The following FOXP2 variants were observed in gnomAD, a reference collection of about 807,000 sequenced individuals.
FOXP2 encodes forkhead box P2.
A neutral mutation model predicts 115.8 loss-of-function variants in FOXP2; 12 were observed. The ratio of observed to expected loss-of-function variants is 0.10; its 90% CI spans 0.07 to 0.17. The LOEUF (loss-of-function observed/expected upper bound fraction) is 0.17, where lower values mean the gene tolerates loss of function less well. FOXP2 is among the 10% of genes least tolerant of loss of function. The probability of loss-of-function intolerance (pLI) is 1.00; values close to 1 mark genes in which losing one functional copy is unlikely to be tolerated. For missense variants in FOXP2, 629 were observed against 843.5 expected (o/e 0.75, Z 3.15); for synonymous variants, 328 against 297.7 (o/e 1.10, Z -1.05).
At chr7:114,458,432 C>T (rs1795414786) in intron 2 of FOXP2, among the ~76,000 whole-genome samples, 2 of 151,442 alleles carry the variant, frequency 1.3e-5, no homozygotes, top group African/African-American at 4.9e-5. Context: ...CCATCCTTGT[C>T]TAACTTTCAA....
chr7:114,115,559 T>C (rs115762485), intron 1 of FOXP2, among the ~76,000 whole-genome samples: 250 of 152,216 alleles, frequency 1.6e-3, no homozygotes, highest in African/African-American at 5.7e-3. Context: ...AGAGCCCTTA[T>C]TGGAGCTTTT....
intron 1 of FOXP2, among the ~76,000 whole-genome samples, chr7:114,152,560 CAA>C (rs1157163540): frequency 6.6e-5 from 10 of 152,114 alleles, no homozygotes; most frequent in Non-Finnish European, 8.8e-5. Context: ...TTTCATTAAA[CAA>C]GAAGAGGTAA....
At chr7:114,278,259 A>G (rs1008934001) in intron 1 of FOXP2, among the ~76,000 whole-genome samples, 1 of 152,198 alleles carries the variant, frequency 6.6e-6, no homozygotes, top group Non-Finnish European at 1.5e-5. Context: ...TATCTATATT[A>G]TAATACATCC....
At chr7:114,298,933 A>G (rs961120042) in intron 2 of FOXP2, among the ~76,000 whole-genome samples, 3 of 152,212 alleles carry the variant, frequency 2.0e-5, no homozygotes, top group African/African-American at 7.2e-5. Context: ...TGAAAATATT[A>G]GTAAGAACTC....
At chr7:114,427,894 C>A (rs915714864) in intron 2 of FOXP2, among the ~76,000 whole-genome samples, 1 of 151,512 alleles carries the variant, frequency 6.6e-6, no homozygotes, top group African/African-American at 2.4e-5. Context: ...TATTATTTTA[C>A]AATTTTCATT....
chr7:114,585,681 A>C (rs1802098133), intron 3 of FOXP2, among the ~76,000 whole-genome samples: 1 of 152,106 alleles, frequency 6.6e-6, no homozygotes, highest in South Asian at 2.1e-4. Flanking sequence ...CCTGGCCAAC[A>C]TGATGAAACC....
In FOXP2 at chr7:114,573,954, G is replaced by A. The variant is rs553254928; in HGVS notation, c.258+39248G>A. On this transcript the variant is annotated intron_variant, in intron 3 of 16. Coordinates refer to ENST00000350908, the MANE Select transcript of FOXP2 (RefSeq NM_014491.4). Reference sequence around the variant, plus strand: ...AATTGTATCAATTTACTAGCAAAACGTGCAATAAAAATATTTTTTCATAGG... The same window carrying A: ...AATTGTATCAATTTACTAGCAAAACATGCAATAAAAATATTTTTTCATAGG... 5.3e-5 allele frequency among the ~76,000 whole-genome samples: 8 copies of A among 151,636 alleles called. 1 individual carries two copies. In the East Asian group the frequency reaches 5.8e-4, roughly 11 times the overall value.
intron 3 of FOXP2, among the ~76,000 whole-genome samples, chr7:114,564,270 A>G (rs1010084778): frequency 1.3e-5 from 2 of 151,988 alleles, no homozygotes; most frequent in African/African-American, 4.8e-5. Context: ...TTTCCCAAGC[A>G]ATGAATTCCT....
chr7:114,226,313 A>T (rs1230317789), intron 1 of FOXP2, among the ~76,000 whole-genome samples: 1 of 152,198 alleles, frequency 6.6e-6, no homozygotes, highest in African/African-American at 2.4e-5. Flanking sequence ...ACTCACAGGA[A>T]CATACTGTGG....
intron 2 of FOXP2, among the ~76,000 whole-genome samples, chr7:114,383,139 G>C (rs1437837581): frequency 6.6e-6 from 1 of 152,186 alleles, no homozygotes; most frequent in Non-Finnish European, 1.5e-5. Flanking sequence ...TGGGGTTAGT[G>C]TCTGATTTAG....
intron 2 of FOXP2, among the ~76,000 whole-genome samples, chr7:114,482,515 G>A (rs1208653152): frequency 6.6e-6 from 1 of 151,236 alleles, no homozygotes; most frequent in East Asian, 1.9e-4. Flanking sequence ...ATGACAACAA[G>A]GTATGTCTTT....
At chr7:114,516,475 G>A (rs187906922) in intron 2 of FOXP2, among the ~76,000 whole-genome samples, 2 of 151,950 alleles carry the variant, frequency 1.3e-5, no homozygotes, top group Non-Finnish European at 2.9e-5. Context: ...AAACCTAGGA[G>A]CTCATATATT....
chr7:114,291,934 GAATA>G (rs1255298660), intron 2 of FOXP2, among the ~76,000 whole-genome samples: 10 of 139,794 alleles, frequency 7.2e-5, no homozygotes, highest in Non-Finnish European at 1.5e-5. Context: ...ATAATATATA[GAATA>G]TATATTATAG....
chr7:114,104,038 G>A (rs1791053325), intron 1 of FOXP2, among the ~76,000 whole-genome samples: 1 of 151,306 alleles, frequency 6.6e-6, no homozygotes, highest in Non-Finnish European at 1.5e-5. Context: ...TATGATTTCT[G>A]TATTTCTGAG....
intron 2 of FOXP2, among the ~76,000 whole-genome samples, chr7:114,350,565 A>T (rs1791460677): frequency 6.6e-6 from 1 of 152,096 alleles, no homozygotes; most frequent in Non-Finnish European, 1.5e-5. Context: ...TGATTGATTA[A>T]TCCCCCTCAC....
At chr7:114,554,405 C>G (rs1256517157) in intron 3 of FOXP2, among the ~76,000 whole-genome samples, 1 of 152,074 alleles carries the variant, frequency 6.6e-6, no homozygotes, top group East Asian at 1.9e-4. Flanking sequence ...TGTAAATTAG[C>G]TTTATTCTTC....
intron 4 of FOXP2, among the ~76,000 whole-genome samples, chr7:114,629,161 A>T (rs949607872): frequency 6.6e-6 from 1 of 152,210 alleles, no homozygotes; most frequent in African/African-American, 2.4e-5. Flanking sequence ...TCTATTTATT[A>T]TAATGAAATT....
chr7:114,654,124 A>G, intron 10 of FOXP2, 115 bp downstream of exon 10: 1 of 1,585,050 alleles, frequency 6.3e-7, no homozygotes, highest in Non-Finnish European at 8.6e-7. Flanking sequence ...ATACGGCAAT[A>G]AAATGAAAGT....
At chr7:114,413,249 T>TA (rs147206390), upstream of FOXP2, among the ~76,000 whole-genome samples, 3,148 of 152,236 alleles carry the variant, frequency 0.021, 72 homozygotes, top group African/African-American at 0.059. Flanking sequence ...GGAAGCCCTG[T>TA]AAACTGTGAA....
Sources: allele counts gnomAD v4.1 joint callset (sites outside exome capture counted in the v4.1 genomes callset), GRCh38; gene constraint gnomAD v4.1.1; transcripts MANE v1.5; gene names NCBI Gene and HGNC (gene_info 2026-07-23, HGNC 2026-07-21).